MYLK: variants seen among roughly 807,000 people sequenced by gnomAD.
The protein encoded by MYLK is myosin light chain kinase.
Under a neutral mutation model 203.4 loss-of-function variants are expected in MYLK, and 106 were observed. The observed-to-expected ratio is 0.52, with a 90% CI of 0.45 to 0.61. The LOEUF (loss-of-function observed/expected upper bound fraction) is 0.61, where lower values mean the gene tolerates loss of function less well. Among genes scored for constraint, MYLK ranks in the 20% least tolerant of loss-of-function variants. MYLK has a pLI of 0.00. For synonymous variants in MYLK, 867 were observed against 959.5 expected (o/e 0.90, Z 1.78); for missense variants, 2,072 against 2,442.3 (o/e 0.85, Z 3.20).
Position 123,648,914 on chromosome 3 carries a change from T to A in MYLK, c.4415+57A>T. ...GAAGCTGAGGCACTGAATCTAACTG[T>A]GAGACCCGCACCACCCTCACCCTGG... is the stretch of plus-strand genomic sequence containing the variant. On this transcript the variant is annotated intron_variant, in intron 26 of 33. Transcript: ENST00000360304. This position sits in a 1 kb window ranked among gnomAD's most constrained non-coding sequence, Gnocchi z 4.5. 1 of 1,469,836 alleles carries A rather than the reference T, an allele frequency of 6.8e-7. No individual in the cohort carries two copies. Among genetic ancestry groups the A allele is most frequent in the Non-Finnish European group, 9.5e-7 (1 of 1,050,324 alleles). 91.0% of individuals were successfully genotyped at this position (1,469,836 alleles called of 1,614,324 possible).
chr3:123,729,292 C>T (rs1481368501), intron 11 of MYLK, among the ~76,000 whole-genome samples: 1 of 152,170 alleles, frequency 6.6e-6, no homozygotes, highest in Non-Finnish European at 1.5e-5. Flanking sequence ...AGGAACTCTC[C>T]ATCCAATCAA....
intron 11 of MYLK, among the ~76,000 whole-genome samples, chr3:123,730,786 A>G (rs2062447850): frequency 6.6e-6 from 1 of 152,210 alleles, no homozygotes; most frequent in South Asian, 2.1e-4. Flanking sequence ...GCTAATGGGT[A>G]GGATTTTTTT....
chr3:123,658,972 C>T (rs1436658906), intron 23 of MYLK, among the ~76,000 whole-genome samples: 1 of 152,220 alleles, frequency 6.6e-6, no homozygotes, highest in Non-Finnish European at 1.5e-5. Flanking sequence ...GAGCCACTTC[C>T]CAGTGCTGGC....
chr3:123,666,187 A>G (rs1358387844), intron 22 of MYLK, 32 bp downstream of exon 22: 1 of 1,613,912 alleles, frequency 6.2e-7, no homozygotes, highest in African/African-American at 1.3e-5. Flanking sequence ...TATTCCCAGC[A>G]CCCCCAGTGC....
chr3:123,820,078 T>A (rs1293005215), intron 3 of MYLK, among the ~76,000 whole-genome samples: 1 of 152,204 alleles, frequency 6.6e-6, no homozygotes, highest in Non-Finnish European at 1.5e-5. Flanking sequence ...CCCTTCATCC[T>A]TCACTGAGAG....
intron 13 of MYLK, among the ~76,000 whole-genome samples, chr3:123,721,158 T>C (rs1222245960): frequency 6.6e-6 from 1 of 152,212 alleles, no homozygotes; most frequent in African/African-American, 2.4e-5. Flanking sequence ...CCCTTTCCTT[T>C]TCTGCGAAAC....
chr3:123,820,549 T>C (rs1036302326), intron 3 of MYLK, among the ~76,000 whole-genome samples: 1 of 152,158 alleles, frequency 6.6e-6, no homozygotes, highest in African/African-American at 2.4e-5. Flanking sequence ...AGGATTTGTG[T>C]GCATGATAAA....
intron 9 of MYLK, chr3:123,734,558 G>A (rs1189222135): frequency 4.7e-5 from 11 of 232,868 alleles, no homozygotes; most frequent in Middle Eastern, 1.4e-3. Flanking sequence ...TCTATACAGC[G>A]ACCATAGTCG....
intron 3 of MYLK, among the ~76,000 whole-genome samples, chr3:123,796,080 T>C (rs1947510): frequency 0.94 from 143,697 of 152,226 alleles, 68,336 homozygotes; most frequent in East Asian, 1. Flanking sequence ...AAATTCCTTG[T>C]TGAATGGTAA....
At chr3:123,698,077 AT>A (rs2061005881) in intron 18 of MYLK, among the ~76,000 whole-genome samples, 1 of 152,150 alleles carries the variant, frequency 6.6e-6, no homozygotes, top group African/African-American at 2.4e-5. Flanking sequence ...AGTTGAGTGA[AT>A]TGTTTGTAAG....
chr3:123,719,249 C>T (rs2062008779), intron 13 of MYLK, among the ~76,000 whole-genome samples: 1 of 152,212 alleles, frequency 6.6e-6, no homozygotes, highest in South Asian at 2.1e-4. Context: ...GCCCCTCAAC[C>T]ACCCCCGAGA....
Position 123,700,220 on chromosome 3 carries a change from C to A in MYLK, c.3248G>T (p.Gly1083Val). ...TGATCTCTTTTCATTATCTGTGGTC[C>A]CTGCATGGCCTCTCTTGCAGTTCAC... is the stretch of plus-strand genomic sequence containing the variant. ...NDVNCKRGHA[G>V]TTDNEKRSES... The change falls in exon 18 of 34, where the codon GGG becomes GTG. Residue 1083 changes from glycine (G) to valine (V), a missense_variant. Around this residue, in one of 3 missense-constraint regions of MYLK, gnomAD observed 865 missense variants for 1,016.0 expected, o/e 0.85. Coordinates refer to ENST00000360304, the MANE Select transcript of MYLK (RefSeq NM_053025.4). The A allele has an allele frequency of 6.2e-7, 1 of 1,613,864 alleles. No homozygotes were observed. The highest frequency in any genetic ancestry group is 8.5e-7 in the Non-Finnish European group (1 of 1,179,988).
chr3:123,621,597 C>T (rs1319959317), intron 31 of MYLK: 4 of 152,196 alleles, frequency 2.6e-5, no homozygotes, highest in Non-Finnish European at 5.9e-5. Flanking sequence ...CTTCTGGGTG[C>T]TAAGGAAACA....
At chr3:123,780,181 C>T (rs951377743) in intron 4 of MYLK, among the ~76,000 whole-genome samples, 3 of 152,152 alleles carry the variant, frequency 2.0e-5, no homozygotes, top group African/African-American at 7.2e-5. Context: ...TGCCTGTAAT[C>T]CCAGCACTTC....
intron 13 of MYLK, among the ~76,000 whole-genome samples, chr3:123,721,330 G>A (rs149265406): frequency 0.012 from 1,852 of 152,130 alleles, 52 homozygotes; most frequent in South Asian, 0.096. Flanking sequence ...GTCATGCACA[G>A]GAGCCGGGGG....
chr3:123,619,796 A>G (rs1371760263), intron 32 of MYLK, among the ~76,000 whole-genome samples: 1 of 152,208 alleles, frequency 6.6e-6, no homozygotes, highest in East Asian at 1.9e-4. Context: ...AACCACAAAG[A>G]TGGTAGAAAA....
At chr3:123,774,286 T>C (rs982791551) in intron 4 of MYLK, among the ~76,000 whole-genome samples, 1 of 152,120 alleles carries the variant, frequency 6.6e-6, no homozygotes, top group African/African-American at 2.4e-5. Context: ...TACAAGCAGG[T>C]CAGGCAGAGG....
In MYLK at chr3:123,700,771, G is replaced by T. The variant is rs1198046566; in HGVS notation, c.2697C>A (p.Asp899Glu). The T allele has an allele frequency of 5.0e-6, 8 of 1,614,204 alleles. No homozygotes were observed. The South Asian group carries it at 6.6e-5, about 13-fold the overall frequency. The change falls in exon 18 of 34, where the codon GAC (aspartate) becomes GAA (glutamate). Residue 899 changes from aspartate to glutamate, a missense_variant. Around this residue, in one of 3 missense-constraint regions of MYLK, gnomAD observed 865 missense variants for 1,016.0 expected, o/e 0.85. Transcript: ENST00000360304. ...QQEVEQLDFR[D>E]LLGKKVSTKT... ...TTGTACTCACCTTCTTCCCCAGGAG[G>T]TCTCGGAAGTCCAGCTGCTCCACCT...
At position 123,734,055 on chromosome 3, in the gene MYLK, G is replaced by A; in HGVS notation, c.941C>T (p.Pro314Leu). ...CAGCTTGGACTCCCTTGGGGGCTGA[G>A]GCTGGCTGTTTGCAGCCCAGGGTGG... is the stretch of plus-strand genomic sequence containing the variant. Reference protein sequence around the residue: ...GSPPWAANSQPQPPRESKLES... With the variant: ...GSPPWAANSQLQPPRESKLES... Residue 314 changes from proline to leucine, a missense_variant, in exon 10 of 34, where the codon CCT becomes CTT. By Grantham distance (98) the Pro-to-Leu change is moderately conservative. This residue lies in a region of MYLK where 683 missense variants were observed against 643.8 expected (regional missense o/e 1.06). Transcript: ENST00000360304. 3 of 1,613,974 alleles carry A rather than the reference G, an allele frequency of 1.9e-6. No homozygotes were observed. The highest frequency in any genetic ancestry group is 2.5e-6 in the Non-Finnish European group (3 of 1,179,890).
Sources: allele counts gnomAD v4.1 joint callset (sites outside exome capture counted in the v4.1 genomes callset), GRCh38; gene constraint gnomAD v4.1.1; regional missense constraint gnomAD v4.1.1; non-coding constraint Gnocchi (gnomAD v3.1); transcripts MANE v1.5; gene names NCBI Gene and HGNC (gene_info 2026-07-23, HGNC 2026-07-21).